KCNH7: variants seen among roughly 807,000 people sequenced by gnomAD.
KCNH7 encodes the protein voltage-gated inwardly rectifying potassium channel KCNH7.
A neutral mutation model predicts 120.8 loss-of-function variants in KCNH7; 49 were observed. That is an observed-to-expected ratio of 0.41 (90% CI 0.32 to 0.51). The LOEUF (loss-of-function observed/expected upper bound fraction) is 0.51. Ranked by LOEUF, KCNH7 falls within the 20% of genes least tolerant of loss-of-function variation. The probability of loss-of-function intolerance (pLI) is 0.38; values close to 1 mark genes in which losing one functional copy is unlikely to be tolerated. For synonymous variants in KCNH7, 547 were observed against 516.1 expected, an observed-to-expected ratio of 1.06 and a Z score of -0.81; for missense variants, 1,097 against 1,446.6, an observed-to-expected ratio of 0.76 and a Z score of 3.92.
chr2:162,499,826 C>A (rs1690616231), intron 6 of KCNH7, among the ~76,000 whole-genome samples: 1 of 152,048 alleles, frequency 6.6e-6, no homozygotes, highest in South Asian at 2.1e-4. Flanking sequence ...TAGAGATTCC[C>A]ACATGTGTTT....
At chr2:162,695,844 A>T (rs1265078070) in intron 2 of KCNH7, among the ~76,000 whole-genome samples, 4 of 152,170 alleles carry the variant, frequency 2.6e-5, no homozygotes, top group Non-Finnish European at 1.5e-5. Context: ...GAATGTCCAT[A>T]TAAAAGTGGG....
chr2:162,690,434 A>T (rs1429127510), intron 2 of KCNH7, among the ~76,000 whole-genome samples: 1 of 152,176 alleles, frequency 6.6e-6, no homozygotes, highest in East Asian at 1.9e-4. Flanking sequence ...ACTCAAGTAA[A>T]GGAAATGCTG....
intron 6 of KCNH7, among the ~76,000 whole-genome samples, chr2:162,462,279 AT>A (rs1177278967): frequency 6.6e-6 from 1 of 152,102 alleles, no homozygotes; most frequent in African/African-American, 2.4e-5. Context: ...CTACTCGACC[AT>A]GGTGTATTGT....
intron 9 of KCNH7, among the ~76,000 whole-genome samples, chr2:162,407,500 A>G (rs1490151617): frequency 6.6e-6 from 1 of 151,994 alleles, no homozygotes; most frequent in African/African-American, 2.4e-5. Context: ...GAGGGGATTT[A>G]TTGCTTTCAT....
chr2:162,425,799 G>A lies in KCNH7; in HGVS notation c.1955-2264C>T, dbSNP rs532479582. 7.9e-5 allele frequency among the ~76,000 whole-genome samples: 12 copies of A among 152,148 alleles called. No homozygotes were observed. In the South Asian group the frequency reaches 2.5e-3, roughly 32 times the overall value. ...CAAATTAGATGTTATTTGGATGGTA[G>A]AGTTTTATCTCTACCATCAAAATTA... On this transcript the variant is annotated intron_variant, in intron 8 of 15. Transcript: ENST00000332142.
At chr2:162,800,568 C>T (rs1160988611) in intron 2 of KCNH7, among the ~76,000 whole-genome samples, 1 of 151,814 alleles carries the variant, frequency 6.6e-6, no homozygotes, top group Non-Finnish European at 1.5e-5. Flanking sequence ...GTTTAGCCCA[C>T]TCTCATGGTA....
intron 4 of KCNH7, among the ~76,000 whole-genome samples, chr2:162,513,266 C>G (rs921939468): frequency 7.5e-6 from 1 of 132,498 alleles, no homozygotes. Context: ...TCCCTCCTTC[C>G]TTCCCTCCTT....
chr2:162,763,912 T>C (rs1182955460), intron 2 of KCNH7, among the ~76,000 whole-genome samples: 1 of 152,096 alleles, frequency 6.6e-6, no homozygotes, highest in Non-Finnish European at 1.5e-5. Context: ...ACAAATACCA[T>C]AACAAATTGA....
intron 6 of KCNH7, among the ~76,000 whole-genome samples, chr2:162,466,679 G>T (rs761837664): frequency 1.3e-5 from 2 of 152,312 alleles, no homozygotes; most frequent in Non-Finnish European, 1.5e-5. Flanking sequence ...GCCATTTTGT[G>T]TAGTGTTACT....
intron 2 of KCNH7, among the ~76,000 whole-genome samples, chr2:162,638,494 T>G (rs1439099772): frequency 6.6e-6 from 1 of 152,038 alleles, no homozygotes; most frequent in Non-Finnish European, 1.5e-5. Flanking sequence ...TACTGAACCT[T>G]ACTGATAAAC....
intron 2 of KCNH7, among the ~76,000 whole-genome samples, chr2:162,816,493 A>G (rs145050284): frequency 6.6e-6 from 1 of 152,286 alleles, no homozygotes; most frequent in East Asian, 1.9e-4. Flanking sequence ...CTCAGAGACT[A>G]TTGAAGATCT....
At chr2:162,655,488 T>C (rs1684718281) in intron 2 of KCNH7, among the ~76,000 whole-genome samples, 1 of 152,094 alleles carries the variant, frequency 6.6e-6, no homozygotes, top group South Asian at 2.1e-4. Context: ...ATCTGGCTCA[T>C]AGAATTATTG....
intron 2 of KCNH7, among the ~76,000 whole-genome samples, chr2:162,633,851 C>T (rs1683850083): frequency 6.6e-6 from 1 of 151,948 alleles, no homozygotes; most frequent in Middle Eastern, 3.2e-3. Context: ...AGAAATTCTC[C>T]ACAGGCCATT....
intron 2 of KCNH7, among the ~76,000 whole-genome samples, chr2:162,643,981 C>T (rs1247096492): frequency 1.3e-5 from 2 of 151,892 alleles, no homozygotes; most frequent in South Asian, 2.1e-4. Flanking sequence ...GGGCAAACAC[C>T]GTGGTTCTTC....
At chr2:162,566,947 T>C (rs893287445) in intron 2 of KCNH7, among the ~76,000 whole-genome samples, 2 of 152,020 alleles carry the variant, frequency 1.3e-5, no homozygotes, top group Non-Finnish European at 2.9e-5. Flanking sequence ...AGGATTCATG[T>C]ATTCAAAGGA....
intron 2 of KCNH7, among the ~76,000 whole-genome samples, chr2:162,718,894 A>G: frequency 6.6e-6 from 1 of 151,924 alleles, no homozygotes; most frequent in East Asian, 1.9e-4. Context: ...TGCCCGGTGG[A>G]TATGTTTCTG....
At chr2:162,705,404 A>G (rs1686662584) in intron 2 of KCNH7, among the ~76,000 whole-genome samples, 1 of 152,238 alleles carries the variant, frequency 6.6e-6, no homozygotes, top group East Asian at 1.9e-4. Flanking sequence ...CTACTCAGAT[A>G]AAATTTCTAA....
chr2:162,546,707 G>A (rs1416894812), intron 2 of KCNH7, among the ~76,000 whole-genome samples: 2 of 152,056 alleles, frequency 1.3e-5, no homozygotes, highest in Admixed American at 1.3e-4. Flanking sequence ...CAAACAATGT[G>A]AGCCTAATTC....
intron 2 of KCNH7, among the ~76,000 whole-genome samples, chr2:162,556,576 G>T (rs1692864332): frequency 6.6e-6 from 1 of 152,146 alleles, no homozygotes; most frequent in Non-Finnish European, 1.5e-5. Context: ...ACAGACAACT[G>T]GCTGCAATGT....
Sources: allele counts gnomAD v4.1 joint callset (sites outside exome capture counted in the v4.1 genomes callset), GRCh38; gene constraint gnomAD v4.1.1; transcripts MANE v1.5; gene names NCBI Gene and HGNC (gene_info 2026-07-23, HGNC 2026-07-21).